Variants in TMEM68 observed in about 807,000 individuals in gnomAD.
TMEM68 encodes transmembrane protein 68.
A neutral mutation model predicts 36.9 loss-of-function variants in TMEM68; 25 were observed. The observed-to-expected ratio is 0.68, with a 90% CI of 0.49 to 0.95. TMEM68 has a LOEUF of 0.95. TMEM68 is among the 40% of genes least tolerant of loss of function. The pLI is 0.00. For missense variants in TMEM68, 333 were observed against 392.0 expected, an observed-to-expected ratio of 0.85 and a Z score of 1.27; for synonymous variants, 131 against 124.4, an observed-to-expected ratio of 1.05 and a Z score of -0.35.
intron 3 of TMEM68, among the ~76,000 whole-genome samples, chr8:55,758,889 A>T (rs1198111835): frequency 6.6e-6 from 1 of 152,224 alleles, no homozygotes. Context: ...ATTTCAGCAG[A>T]AAGATGGAAA....
intron 4 of TMEM68, 107 bp from the exon 5 acceptor site, chr8:55,751,264 T>C: frequency 2.0e-6 from 2 of 1,001,934 alleles, no homozygotes; most frequent in Non-Finnish European, 2.8e-6. Context: ...CTTAAATCAG[T>C]AAACTTTTTT....
intron 4 of TMEM68, among the ~76,000 whole-genome samples, chr8:55,754,800 TAA>T (rs1554553177): frequency 7.8e-5 from 8 of 102,090 alleles, no homozygotes; most frequent in Admixed American, 3.8e-4. Context: ...AATACATATA[TAA>T]TATATATTTA....
At chr8:55,762,548 C>T in intron 3 of TMEM68, 87 bp downstream of exon 3, 1 of 1,586,260 alleles carries the variant, frequency 6.3e-7, no homozygotes, top group Admixed American at 1.8e-5. Flanking sequence ...TTTTCAGTAT[C>T]TTCTCAATCA....
At chr8:55,741,108 T>A (rs183625822) in intron 7 of TMEM68, among the ~76,000 whole-genome samples, 1 of 152,170 alleles carries the variant, frequency 6.6e-6, no homozygotes, top group East Asian at 2.0e-4. Context: ...GGCACATGCC[T>A]GTAATCCCAG....
At position 55,772,252 on chromosome 8, in the gene TMEM68, T is replaced by C. The variant is rs142281851; in HGVS notation, c.-115+1017A>G. On this transcript the variant is annotated intron_variant, in intron 1 of 7. Coordinates refer to ENST00000434581, the MANE Select transcript of TMEM68 (RefSeq NM_001286657.2). ...GGCCAAAATACTATTGAAAATACCATTCAAAATGCATGAATTTTAGCTCAG... is the reference window on the plus strand; with the variant it reads ...GGCCAAAATACTATTGAAAATACCACTCAAAATGCATGAATTTTAGCTCAG... Among the ~76,000 whole-genome samples the C allele has an allele frequency of 1.3e-4, 20 of 152,320 alleles. No individual in the cohort carries two copies. The East Asian group carries it at 3.9e-3, about 29-fold the overall frequency.
At chr8:55,751,362 C>T in intron 4 of TMEM68, 2 of 523,620 alleles carry the variant, frequency 3.8e-6, no homozygotes, top group Non-Finnish European at 6.7e-6. Context: ...AAACTCACAA[C>T]AATCTTGACA....
At chr8:55,750,688 C>T (rs2129944797) in intron 5 of TMEM68, among the ~76,000 whole-genome samples, 1 of 151,990 alleles carries the variant, frequency 6.6e-6, no homozygotes, top group Non-Finnish European at 1.5e-5. Context: ...TACAGGCATG[C>T]ACCACCATGC....
At chr8:55,753,433 T>C (rs1462878114) in intron 4 of TMEM68, among the ~76,000 whole-genome samples, 3 of 152,194 alleles carry the variant, frequency 2.0e-5, no homozygotes, top group African/African-American at 4.8e-5. Flanking sequence ...GATGGTAAGA[T>C]TATAATGATG....
chr8:55,740,221 A>G lies in TMEM68; in HGVS notation c.889-3T>C. The G allele has an allele frequency of 6.2e-7, 1 of 1,611,074 alleles. No homozygotes were observed. Among genetic ancestry groups the G allele is most frequent in the East Asian group, 2.2e-5 (1 of 44,780 alleles). On this transcript the variant is annotated splice_region_variant and splice_polypyrimidine_tract_variant and intron_variant, in intron 7 of 7. Transcript: ENST00000434581. ...AAAGCTTGAACAGCATTCTTCGTCT[A>G]TTAAGAAAACAAAAGAAAAGCTATT...
intron 5 of TMEM68, chr8:55,747,004 G>A (rs1810300395): frequency 6.6e-6 from 1 of 152,208 alleles, no homozygotes; most frequent in Non-Finnish European, 1.5e-5. Context: ...GAATACAAAA[G>A]TCAGAAATAG....
intron 1 of TMEM68, among the ~76,000 whole-genome samples, chr8:55,766,733 A>C (rs1002540509): frequency 1.3e-5 from 2 of 152,164 alleles, no homozygotes; most frequent in Non-Finnish European, 2.9e-5. Context: ...ACTGAGCAGA[A>C]GGGTGAGGTT....
At chr8:55,749,288 T>A (rs1244452679) in intron 5 of TMEM68, among the ~76,000 whole-genome samples, 1 of 152,220 alleles carries the variant, frequency 6.6e-6, no homozygotes, top group South Asian at 2.1e-4. Flanking sequence ...TTTCTACCAA[T>A]ATTTTGTGAA....
intron 4 of TMEM68, among the ~76,000 whole-genome samples, chr8:55,753,354 A>C (rs1026153849): frequency 6.6e-5 from 10 of 152,130 alleles, no homozygotes; most frequent in African/African-American, 2.4e-4. Context: ...ACCCCACAAA[A>C]CTGTTTGCCT....
chr8:55,746,317 C>CAAAATAAAAAA (rs1810274037), intron 5 of TMEM68: 1 of 57,184 alleles, frequency 1.7e-5, no homozygotes, highest in Non-Finnish European at 2.8e-5. Flanking sequence ...CACTGTCTCC[C>CAAAATAAAAAA]AAAAAAAAAA....
At chr8:55,740,712 T>C (rs1156621326) in intron 7 of TMEM68, among the ~76,000 whole-genome samples, 2 of 151,980 alleles carry the variant, frequency 1.3e-5, no homozygotes, top group African/African-American at 4.8e-5. Flanking sequence ...TAATGTATAT[T>C]TTCTTTTATC....
chr8:55,757,865 C>G (rs756024112), intron 3 of TMEM68, among the ~76,000 whole-genome samples: 1 of 152,080 alleles, frequency 6.6e-6, no homozygotes, highest in Non-Finnish European at 1.5e-5. Flanking sequence ...TCACAAAACC[C>G]CCAACACAGG....
At chr8:55,757,547 A>T (rs1810644094) in intron 3 of TMEM68, among the ~76,000 whole-genome samples, 1 of 152,034 alleles carries the variant, frequency 6.6e-6, no homozygotes, top group African/African-American at 2.4e-5. Context: ...AGTTTATCTC[A>T]TAGAAGAAAA....
Position 55,745,062 on chromosome 8 carries a change from T to C in TMEM68, c.747A>G (p.Thr249=). Residue 249 remains threonine, a splice_region_variant and synonymous_variant, in exon 6 of 8, where the codon ACA becomes ACG. Coordinates refer to ENST00000434581, the MANE Select transcript of TMEM68 (RefSeq NM_001286657.2). The stretch of plus-strand genomic sequence containing the variant: ...AAAACCATACAAATCAGAACTTACT[T>C]GTTCCTCCAAGTGATCTAAATCCTT... ...IREGFRSLGG[T]RLFRWLYEKF... 6.7e-7 allele frequency: 1 copy of C among 1,494,728 alleles called. No homozygotes were observed. The highest frequency in any genetic ancestry group is 8.9e-7 in the Non-Finnish European group (1 of 1,126,838). The allele number at this position is 1,494,728 out of a possible 1,614,324, so 92.6% of individuals were successfully genotyped here.
intron 2 of TMEM68, chr8:55,763,715 A>T (rs1810876781): frequency 4.9e-5 from 2 of 41,110 alleles, no homozygotes; most frequent in Non-Finnish European, 6.7e-5. Context: ...CACAAAAGAA[A>T]ACATCAATAT....
Sources: gnomAD v4.1 joint callset for allele counts (sites outside exome capture counted in the v4.1 genomes callset) on GRCh38, gnomAD v4.1.1 for gene constraint, MANE v1.5 for transcripts, NCBI Gene and HGNC (gene_info 2026-07-23, HGNC 2026-07-21) for gene names.